CNTN5: variants seen among roughly 807,000 people sequenced by gnomAD.
CNTN5 encodes contactin-5.
In CNTN5, 77 loss-of-function variants were observed where a neutral mutation model predicts 129.1. The ratio of observed to expected loss-of-function variants is 0.60; its 90% CI spans 0.50 to 0.72. CNTN5 has a LOEUF of 0.72. Among genes scored for constraint, CNTN5 ranks in the 30% least tolerant of loss-of-function variants. The pLI, the probability that CNTN5 is intolerant of heterozygous loss-of-function variation, is 0.00. For synonymous variants in CNTN5, 509 were observed against 465.6 expected (o/e 1.09, Z -1.20); for missense variants, 1,478 against 1,328.8 (o/e 1.11, Z -1.75).
At chr11:99,296,964 A>C (rs907855367) in intron 1 of CNTN5, among the ~76,000 whole-genome samples, 3 of 152,160 alleles carry the variant, frequency 2.0e-5, no homozygotes, top group African/African-American at 7.2e-5. Context: ...CTTACTTCCT[A>C]GGTGGGGAAT....
At chr11:99,574,147 C>T (rs891727678) in intron 3 of CNTN5, among the ~76,000 whole-genome samples, 2 of 152,134 alleles carry the variant, frequency 1.3e-5, no homozygotes, top group South Asian at 2.1e-4. Flanking sequence ...TGAGTGAGAA[C>T]GTGCAGTGTT....
chr11:99,607,579 C>T (rs1270171937), intron 3 of CNTN5, among the ~76,000 whole-genome samples: 1 of 111,816 alleles, frequency 8.9e-6, no homozygotes, highest in Admixed American at 9.7e-5. Context: ...TACCATTTGA[C>T]CCAGCCATCC....
chr11:99,519,847 C>T (rs1165048024), intron 2 of CNTN5, among the ~76,000 whole-genome samples: 1 of 152,104 alleles, frequency 6.6e-6, no homozygotes, highest in African/African-American at 2.4e-5. Flanking sequence ...AACTAGACTG[C>T]AGGTTTCCCT....
At position 100,086,299 on chromosome 11, in the gene CNTN5, A is replaced by G. The variant is rs193089052; in HGVS notation, c.1580+12005A>G. ...TAAAGTTACGACTTAAATATAAAAT[A>G]TATAAATAAATATTACTTAAATATC... On this transcript the variant is annotated intron_variant, in intron 13 of 24. Coordinates refer to ENST00000524871, the MANE Select transcript of CNTN5 (RefSeq NM_014361.4). Among the ~76,000 whole-genome samples, 44 of 150,924 alleles carry G rather than the reference A, an allele frequency of 2.9e-4. 1 individual carries two copies. Among genetic ancestry groups the G allele is most frequent in the Non-Finnish European group, 8.9e-5 (6 of 67,578 alleles).
intron 1 of CNTN5, among the ~76,000 whole-genome samples, chr11:99,175,441 C>A (rs1188735503): frequency 6.6e-6 from 1 of 151,834 alleles, no homozygotes; most frequent in Non-Finnish European, 1.5e-5. Context: ...GTTCTAGCAA[C>A]CTTTAGAGCT....
chr11:99,666,443 C>T (rs553447802), intron 3 of CNTN5, among the ~76,000 whole-genome samples: 4 of 152,208 alleles, frequency 2.6e-5, no homozygotes, highest in Admixed American at 2.0e-4. Context: ...GGTTTGGATC[C>T]TGAGCTGTAC....
chr11:99,987,795 C>T (rs570088197), intron 8 of CNTN5, among the ~76,000 whole-genome samples: 7 of 152,056 alleles, frequency 4.6e-5, no homozygotes, highest in Non-Finnish European at 1.0e-4. Context: ...CATTTGAACT[C>T]CTTGCCTTTT....
At chr11:99,737,726 T>G (rs942020420) in intron 3 of CNTN5, among the ~76,000 whole-genome samples, 1 of 152,176 alleles carries the variant, frequency 6.6e-6, no homozygotes, top group African/African-American at 2.4e-5. Context: ...ACAAGAGTTA[T>G]GAAGATAAAT....
chr11:99,224,317 C>T (rs1230147087), intron 1 of CNTN5, among the ~76,000 whole-genome samples: 1 of 152,110 alleles, frequency 6.6e-6, no homozygotes, highest in Admixed American at 6.6e-5. Flanking sequence ...CAATTATTAT[C>T]TTAGGGAGAT....
chr11:99,379,276 C>T (rs1047472127), intron 2 of CNTN5, among the ~76,000 whole-genome samples: 6 of 149,148 alleles, frequency 4.0e-5, no homozygotes, highest in South Asian at 2.1e-4. Context: ...ATTAATTATA[C>T]GAATAACTAT....
intron 4 of CNTN5, among the ~76,000 whole-genome samples, chr11:99,843,522 G>A (rs1028506539): frequency 9.2e-5 from 14 of 151,800 alleles, no homozygotes; most frequent in African/African-American, 3.4e-4. Flanking sequence ...GTGATTATCT[G>A]CAAAAGATAT....
chr11:99,568,464 C>G (rs1413512142), intron 3 of CNTN5, among the ~76,000 whole-genome samples: 1 of 152,132 alleles, frequency 6.6e-6, no homozygotes, highest in Non-Finnish European at 1.5e-5. Flanking sequence ...TACTGCTTAG[C>G]ACGAGCATCT....
intron 6 of CNTN5, among the ~76,000 whole-genome samples, chr11:99,856,855 A>T (rs1031807321): frequency 6.6e-6 from 1 of 152,194 alleles, no homozygotes; most frequent in Non-Finnish European, 1.5e-5. Context: ...AGGCTGTCGT[A>T]AACTATATAT....
chr11:100,152,027 C>G (rs992586363), intron 13 of CNTN5, among the ~76,000 whole-genome samples: 1 of 152,180 alleles, frequency 6.6e-6, no homozygotes, highest in Non-Finnish European at 1.5e-5. Flanking sequence ...ACCTTAACCA[C>G]GTCTCCTTTA....
intron 13 of CNTN5, among the ~76,000 whole-genome samples, chr11:100,156,010 T>C (rs960798811): frequency 1.3e-5 from 2 of 152,002 alleles, no homozygotes; most frequent in African/African-American, 4.8e-5. Flanking sequence ...TCTCTTGCCT[T>C]ACTGCCCTGG....
intron 24 of CNTN5, among the ~76,000 whole-genome samples, chr11:100,353,206 G>A (rs1952453320): frequency 6.6e-6 from 1 of 151,488 alleles, no homozygotes; most frequent in Non-Finnish European, 1.5e-5. Flanking sequence ...AATTTGGGCA[G>A]TGCAACCCAC....
intron 24 of CNTN5, among the ~76,000 whole-genome samples, chr11:100,351,337 CAAT>C (rs1285730724): frequency 5.9e-5 from 9 of 151,402 alleles, no homozygotes; most frequent in Non-Finnish European, 1.2e-4. Flanking sequence ...TTATTATTAA[CAAT>C]ATTAATAATT....
intron 1 of CNTN5, among the ~76,000 whole-genome samples, chr11:99,131,260 A>AAAAAAAAG (rs1362765282): frequency 5.4e-5 from 8 of 148,624 alleles, no homozygotes; most frequent in South Asian, 2.1e-4. Context: ...AAAAAAAAAA[A>AAAAAAAAG]AAAAGAAAAA....
At position 99,616,189 on chromosome 11, in the gene CNTN5, T is replaced by C. The variant is rs114308407; in HGVS notation, c.55+59920T>C. Among the ~76,000 whole-genome samples, 360 of 152,322 alleles carry C rather than the reference T, an allele frequency of 2.4e-3. 3 individuals carry two copies. The highest frequency in any genetic ancestry group is 8.3e-3 in the African/African-American group (346 of 41,566). On this transcript the variant is annotated intron_variant, in intron 3 of 24. Coordinates refer to ENST00000524871, the MANE Select transcript of CNTN5 (RefSeq NM_014361.4). ...CTCAAGAATCACTCTTGCTACCCTT[T>C]TATAAGTCCGCTCTGTTCCCTCTAC... is the stretch of plus-strand genomic sequence containing the variant.
Sources: allele counts gnomAD v4.1 joint callset (sites outside exome capture counted in the v4.1 genomes callset), GRCh38; gene constraint gnomAD v4.1.1; transcripts MANE v1.5; gene names NCBI Gene and HGNC (gene_info 2026-07-23, HGNC 2026-07-21).